The following SPATA13 variants were observed in gnomAD, a reference collection of about 807,000 sequenced individuals.
The protein encoded by SPATA13 is spermatogenesis-associated protein 13.
Under a neutral mutation model 104.0 loss-of-function variants are expected in SPATA13, and 50 were observed. The observed-to-expected ratio is 0.48, with a 90% CI of 0.38 to 0.61. The LOEUF is 0.61. Among genes scored for constraint, SPATA13 ranks in the 20% least tolerant of loss-of-function variants. The pLI is 0.00. For synonymous variants in SPATA13, 606 were observed against 667.5 expected (o/e 0.91, Z 1.42); for missense variants, 1,524 against 1,690.6 (o/e 0.90, Z 1.73).
chr13:24,026,942 T>A (rs1877247965), intron 3 of SPATA13, among the ~76,000 whole-genome samples: 1 of 152,024 alleles, frequency 6.6e-6, no homozygotes, highest in Non-Finnish European at 1.5e-5. Context: ...AATGACTGAC[T>A]CACTATCTTT....
chr13:24,189,944 C>CGTAATATATTATATAATTAT (rs1566140820), intron 1 of SPATA13, among the ~76,000 whole-genome samples: 1,106 of 28,988 alleles, frequency 0.038, 92 homozygotes, highest in East Asian at 0.055. Context: ...TAATATATTA[C>CGTAATATATTATATAATTAT]ATAATATATT....
intron 3 of SPATA13, among the ~76,000 whole-genome samples, chr13:24,081,979 A>G (rs1879536354): frequency 6.6e-6 from 1 of 152,110 alleles, no homozygotes; most frequent in African/African-American, 2.4e-5. Context: ...ATGCATATCT[A>G]TTTATTTCAC....
At chr13:23,985,539 G>A (rs1467841049) in intron 2 of SPATA13, among the ~76,000 whole-genome samples, 1 of 152,218 alleles carries the variant, frequency 6.6e-6, no homozygotes, top group African/African-American at 2.4e-5. Context: ...GAGTGGTTCA[G>A]GAAATCCTAG....
chr13:24,076,973 GCAAAGTCCTTCCCTTTGATT>G (rs1555259736), intron 3 of SPATA13, among the ~76,000 whole-genome samples: 1 of 152,034 alleles, frequency 6.6e-6, no homozygotes, highest in Non-Finnish European at 1.5e-5. Context: ...GGGGGATACG[GCAAAGTCCTTCCCTTTGATT>G]CATATGTTGT....
chr13:24,140,928 C>G (rs777104690), intron 3 of SPATA13, among the ~76,000 whole-genome samples: 47 of 152,156 alleles, frequency 3.1e-4, no homozygotes, highest in South Asian at 1.5e-3. Flanking sequence ...GTAACGCCAG[C>G]ACTTTGGGAT....
In SPATA13 at chr13:24,304,536, C is replaced by T. The variant is rs867075399; in HGVS notation, c.*1763C>T. On this transcript the variant is annotated 3_prime_UTR_variant, in exon 13 of 13. Coordinates refer to ENST00000382108, the MANE Select transcript of SPATA13 (RefSeq NM_001166271.3). ...CAGAGACAAAGGTGTATTCTTCAGT[C>T]TGCAGGTGTGTGGCACCTCCCTTCT... 9 of 152,232 alleles carry T rather than the reference C, an allele frequency of 5.9e-5. No homozygotes were observed. In the Middle Eastern group the frequency reaches 0.01, roughly 171 times the overall value. 9.4% of individuals were successfully genotyped at this position (152,232 alleles called of 1,614,324 possible).
chr13:24,244,707 T>C (rs1016578925), intron 2 of SPATA13, among the ~76,000 whole-genome samples: 9 of 152,056 alleles, frequency 5.9e-5, no homozygotes, highest in Admixed American at 6.5e-5. Context: ...GTACAAAAAA[T>C]AAATAAATTA....
At chr13:24,225,539 G>A (rs143311576) in intron 2 of SPATA13, among the ~76,000 whole-genome samples, 9 of 152,310 alleles carry the variant, frequency 5.9e-5, no homozygotes, top group African/African-American at 9.6e-5. Flanking sequence ...ACAGCAAGCA[G>A]GGGGGCTTGT....
intron 3 of SPATA13, among the ~76,000 whole-genome samples, chr13:24,106,683 T>C (rs966987171): frequency 3.3e-5 from 5 of 152,186 alleles, no homozygotes; most frequent in African/African-American, 4.8e-5. Context: ...CAGAGCTGGC[T>C]CTCGTTCCAG....
At chr13:24,215,130 G>C (rs1308393634) in intron 1 of SPATA13, among the ~76,000 whole-genome samples, 1 of 152,192 alleles carries the variant, frequency 6.6e-6, no homozygotes, top group Non-Finnish European at 1.5e-5. Flanking sequence ...GAGATGGGGT[G>C]TGTGCTCCAG....
At chr13:24,224,741 G>A in intron 2 of SPATA13, 159 bp downstream of exon 2, 1 of 742,076 alleles carries the variant, frequency 1.3e-6, no homozygotes, top group Non-Finnish European at 2.4e-6. Flanking sequence ...TCAAGTTGCT[G>A]TTTACCAAGT....
intron 5 of SPATA13, 93 bp downstream of exon 5, chr13:24,284,364 C>T (rs957695933): frequency 2.7e-5 from 37 of 1,354,678 alleles, no homozygotes; most frequent in African/African-American, 4.4e-5. Context: ...TTCTTCTTTA[C>T]TAAGCATGTC....
chr13:24,278,822 G>C (rs777636546), intron 4 of SPATA13: 39 of 1,594,018 alleles, frequency 2.4e-5, no homozygotes, highest in Non-Finnish European at 3.1e-5. Context: ...TCATTTGAAG[G>C]CAAGTTCATC....
chr13:24,090,745 A>T (rs1364885298), intron 3 of SPATA13, among the ~76,000 whole-genome samples: 1 of 152,216 alleles, frequency 6.6e-6, no homozygotes, highest in Non-Finnish European at 1.5e-5. Context: ...GAACATATTT[A>T]TAATAGCTGA....
intron 1 of SPATA13, among the ~76,000 whole-genome samples, chr13:24,173,860 T>C (rs1883102862): frequency 6.6e-6 from 1 of 152,210 alleles, no homozygotes; most frequent in Admixed American, 6.5e-5. Context: ...TTATATGTAT[T>C]GCTGAATTCT....
intron 3 of SPATA13, among the ~76,000 whole-genome samples, chr13:24,025,632 T>C (rs1188321147): frequency 1.3e-5 from 2 of 152,230 alleles, no homozygotes; most frequent in African/African-American, 4.8e-5. Flanking sequence ...AAATCTGGTA[T>C]TCCTGGTTTT....
At chr13:24,015,478 C>A (rs1876667094) in intron 2 of SPATA13, among the ~76,000 whole-genome samples, 4 of 152,222 alleles carry the variant, frequency 2.6e-5, no homozygotes, top group Admixed American at 2.6e-4. Context: ...AAGCTTGTTT[C>A]TCCTGTGGCA....
At chr13:24,254,708 C>T (rs1227459162) in intron 4 of SPATA13, among the ~76,000 whole-genome samples, 1 of 152,216 alleles carries the variant, frequency 6.6e-6, no homozygotes, top group Non-Finnish European at 1.5e-5. Context: ...TGTCTGGTTC[C>T]TGCGGGGAAC....
At chr13:24,165,203 T>G (rs1164805001) in intron 1 of SPATA13, among the ~76,000 whole-genome samples, 1 of 152,196 alleles carries the variant, frequency 6.6e-6, no homozygotes, top group African/African-American at 2.4e-5. Flanking sequence ...GAAGCGGGAC[T>G]GCCCTAGTCT....
Sources: gnomAD v4.1 joint callset for allele counts (sites outside exome capture counted in the v4.1 genomes callset) on GRCh38, gnomAD v4.1.1 for gene constraint, MANE v1.5 for transcripts, NCBI Gene and HGNC (gene_info 2026-07-23, HGNC 2026-07-21) for gene names.